Variants in IRF4 observed in about 807,000 individuals in gnomAD.
IRF4 encodes interferon regulatory factor 4.
IRF4 carries 13 observed loss-of-function variants against 55.5 expected under a neutral mutation model. That is an observed-to-expected ratio of 0.23 (90% CI 0.15 to 0.37). The LOEUF (loss-of-function observed/expected upper bound fraction) is 0.37, where lower values mean the gene tolerates loss of function less well. Ranked by LOEUF, IRF4 falls within the 10% of genes least tolerant of loss-of-function variation. The pLI, the probability that IRF4 is intolerant of heterozygous loss-of-function variation, is 1.00. For missense variants in IRF4, 397 were observed against 593.8 expected (o/e 0.67, Z 3.44); for synonymous variants, 249 against 240.7 (o/e 1.03, Z -0.32).
Position 395,634 on chromosome 6 carries a change from T to C in IRF4, c.404-213T>C, listed in dbSNP as rs6930635. 0.11 allele frequency among the ~76,000 whole-genome samples: 16,326 copies of C among 152,216 alleles called. 1,027 individuals carry two copies. The highest frequency in any genetic ancestry group is 0.18 in the African/African-American group (7,550 of 41,504). ...GCCATCTGTCATGTATTTCTTTACC[T>C]GTCCTGTACAACTCAGACCTTGTAG... On this transcript the variant is annotated intron_variant, in intron 3 of 8. Transcript: ENST00000380956.
At chr6:400,415 C>A (rs1761366193) in intron 6 of IRF4, among the ~76,000 whole-genome samples, 1 of 152,150 alleles carries the variant, frequency 6.6e-6, no homozygotes, top group Non-Finnish European at 1.5e-5. Context: ...CTGAAATCAG[C>A]AAAACGTTTG....
At chr6:395,383 T>C (rs1761226582) in intron 3 of IRF4, among the ~76,000 whole-genome samples, 1 of 152,116 alleles carries the variant, frequency 6.6e-6, no homozygotes, top group African/African-American at 2.4e-5. Context: ...ATGAGAGGAA[T>C]ATCTCATCAC....
rs745933211 is a variant in IRF4, at chr6:407,630, T to C, written c.*32T>C. On this transcript the variant is annotated 3_prime_UTR_variant, in exon 9 of 9. Transcript: ENST00000380956. ...TCAAGATGAGTGGTTTTCTTTTTCC[T>C]TTTTTTTTTTTTTTTTTTGATACGG... 2,092 of 198,356 alleles carry C rather than the reference T, an allele frequency of 0.011. 3 individuals carry two copies. The highest frequency in any genetic ancestry group is 0.046 in the South Asian group (389 of 8,514). The allele number at this position is 198,356 out of a possible 1,614,324, so 12.3% of individuals were successfully genotyped here. A position where few individuals can be genotyped will look rare whatever the true frequency, so the allele number is the denominator to read the frequency against.
At position 409,329 on chromosome 6, in the gene IRF4, A is replaced by G. The variant is rs1467841175; in HGVS notation, c.*1731A>G. ...AAAGACAAACAGTAGAGAACAGCAA[A>G]AAAATAAAAAGGATCTCCTTTTTTC... On this transcript the variant is annotated 3_prime_UTR_variant, in exon 9 of 9. Transcript: ENST00000380956. The G allele has an allele frequency of 1.0e-5, 2 of 194,878 alleles. No homozygotes were observed. Among genetic ancestry groups the G allele is most frequent in the South Asian group, 1.9e-4 (1 of 5,184 alleles). The allele number at this position is 194,878 out of a possible 1,614,324, so 12.1% of individuals were successfully genotyped here.
In IRF4 at chr6:401,545, G is replaced by C. The variant is rs1222738803; in HGVS notation, c.867G>C (p.Gln289His). Residue 289 changes from glutamine (Q) to histidine (H), a missense_variant, in exon 7 of 9, where the codon CAG (glutamine) becomes CAC (histidine). Gln to His is a conservative substitution (Grantham distance 24). This residue lies in a region of IRF4 where 341 missense variants were observed against 548.1 expected (regional missense o/e 0.62). Coordinates refer to ENST00000380956, the MANE Select transcript of IRF4 (RefSeq NM_002460.4). ...GHTYDASNLDQVLFPYPEDNG... is the reference protein window; with the variant it reads ...GHTYDASNLDHVLFPYPEDNG... ...CGTATGACGCCAGCAACCTGGACCA[G>C]GTCCTGTTCCCCTACCCAGAGGACA... is the stretch of plus-strand genomic sequence containing the variant. 6.2e-7 allele frequency: 1 copy of C among 1,613,998 alleles called. No individual in the cohort carries two copies. The highest frequency in any genetic ancestry group is 2.2e-5 in the East Asian group (1 of 44,902).
rs1761211999 is a variant in IRF4 at position 394,860 on chromosome 6, G to A, written c.256G>A (p.Asp86Asn). 1.9e-6 allele frequency: 3 copies of A among 1,614,140 alleles called. No individual in the cohort carries two copies. Among genetic ancestry groups the A allele is most frequent in the Non-Finnish European group, 2.5e-6 (3 of 1,180,028 alleles). Residue 86 changes from aspartate (D) to asparagine (N), a missense_variant, in exon 3 of 9, where the codon GAC becomes AAC. Asp to Asn is a conservative substitution (Grantham distance 23, BLOSUM62 1). This residue lies in a region of IRF4 where 341 missense variants were observed against 548.1 expected (regional missense o/e 0.62). Transcript: ENST00000380956. The part of the protein sequence containing the change: ...LFKGKFREGI[D>N]KPDPPTWKTR... The stretch of plus-strand genomic sequence containing the variant: ...TAAAGGAAAGTTCCGAGAAGGCATC[G>A]ACAAGCCGGACCCTCCCACCTGGAA...
chr6:405,907 C>A lies in IRF4; in HGVS notation c.1212+777C>A, dbSNP rs116102880. On this transcript the variant is annotated intron_variant, in intron 8 of 8. Coordinates refer to ENST00000380956, the MANE Select transcript of IRF4 (RefSeq NM_002460.4). ...AAAACTTCACATTGCTACATACTTG[C>A]AAGCATTATTAACGGGCTTGCATGC... Among the ~76,000 whole-genome samples the A allele has an allele frequency of 3.9e-5, 6 of 152,164 alleles. No individual in the cohort carries two copies. The East Asian group carries it at 1.2e-3, about 29-fold the overall frequency.
At position 407,764 on chromosome 6, in the gene IRF4, T is replaced by C. The variant is rs1337807887; in HGVS notation, c.*166T>C. Reference sequence around the variant, plus strand: ...AGAGACTCTCCTGCCTCAGCCTCCCTGGTAGCTGGGATTACAGGTGTGAGC... The same window carrying C: ...AGAGACTCTCCTGCCTCAGCCTCCCCGGTAGCTGGGATTACAGGTGTGAGC... On this transcript the variant is annotated 3_prime_UTR_variant, in exon 9 of 9. Coordinates refer to ENST00000380956, the MANE Select transcript of IRF4 (RefSeq NM_002460.4). The C allele has an allele frequency of 9.6e-6, 6 of 624,006 alleles. No individual in the cohort carries two copies. The highest frequency in any genetic ancestry group is 1.6e-5 in the Non-Finnish European group (6 of 369,076). 38.7% of individuals were successfully genotyped at this position (624,006 alleles called of 1,614,324 possible).
chr6:409,808 C>G lies in IRF4; in HGVS notation c.*2210C>G, dbSNP rs1761645803. 4.7e-6 allele frequency: 1 copy of G among 211,420 alleles called. No homozygotes were observed. Among genetic ancestry groups the G allele is most frequent in the African/African-American group, 2.6e-5 (1 of 39,142 alleles). 13.1% of individuals were successfully genotyped at this position (211,420 alleles called of 1,614,324 possible). A position where few individuals can be genotyped will look rare whatever the true frequency, so the allele number is the denominator to read the frequency against. Reference sequence around the variant, plus strand: ...ACTTCAAAGAAGCTGTCTTGGAAGTCTGTCTCAGGAGCACCCTGTCTTCTT... The same window carrying G: ...ACTTCAAAGAAGCTGTCTTGGAAGTGTGTCTCAGGAGCACCCTGTCTTCTT... On this transcript the variant is annotated 3_prime_UTR_variant, in exon 9 of 9. Transcript: ENST00000380956.
Position 410,080 on chromosome 6 carries a change from G to A in IRF4, c.*2482G>A. 4.4e-6 allele frequency: 1 copy of A among 226,360 alleles called. No homozygotes were observed. Among genetic ancestry groups the A allele is most frequent in the Admixed American group, 5.7e-5 (1 of 17,524 alleles). 14.0% of individuals were successfully genotyped at this position (226,360 alleles called of 1,614,324 possible). On this transcript the variant is annotated 3_prime_UTR_variant, in exon 9 of 9. Transcript: ENST00000380956. The stretch of plus-strand genomic sequence containing the variant: ...CTCAGGGTTAGGAATCCTAGCACTT[G>A]TCTCAGGACTCTGAAAAGGAACGGC...
At chr6:395,966 G>A in intron 4 of IRF4, 31 bp downstream of exon 4, 1 of 1,563,530 alleles carries the variant, frequency 6.4e-7, no homozygotes. Context: ...CTCCCTGAGG[G>A]CGAGGCTGTG....
intron 8 of IRF4, chr6:406,999 T>C (rs1022477347): frequency 1.8e-5 from 12 of 662,414 alleles, no homozygotes; most frequent in African/African-American, 1.8e-4. Flanking sequence ...AACTTTACTT[T>C]TTATTTCTTT....
At position 395,405 on chromosome 6, in the gene IRF4, A is replaced by G. The variant is rs374221288; in HGVS notation, c.403+398A>G. On this transcript the variant is annotated intron_variant, in intron 3 of 8. Transcript: ENST00000380956. ...GAATATCTCATCACTATGCATGGTA[A>G]TAAAACTGTCAACTTTTAAAGTGTA... Among the ~76,000 whole-genome samples the G allele has an allele frequency of 5.8e-4, 89 of 152,316 alleles. 1 individual carries two copies. In the South Asian group the frequency reaches 0.017, roughly 30 times the overall value.
chr6:405,780 G>A (rs1761528717), intron 8 of IRF4, among the ~76,000 whole-genome samples: 1 of 152,056 alleles, frequency 6.6e-6, no homozygotes, highest in Admixed American at 6.6e-5. Flanking sequence ...TAGGATTAGG[G>A]TTAGAGTTTT....
intron 4 of IRF4, 44 bp downstream of exon 4, chr6:395,979 G>A: frequency 4.0e-6 from 6 of 1,493,124 alleles, no homozygotes; most frequent in Non-Finnish European, 5.6e-6. Context: ...AGGCTGTGTG[G>A]GCCAGCTGCC....
chr6:395,817 G>T (rs1399896471), intron 3 of IRF4, 30 bp from the exon 4 acceptor site: 7 of 1,555,928 alleles, frequency 4.5e-6, no homozygotes, highest in Non-Finnish European at 6.2e-6. Context: ...TTTTTACGTT[G>T]TGCCATTTCC....
At chr6:397,708 C>G (rs1761303329) in intron 5 of IRF4, among the ~76,000 whole-genome samples, 1 of 152,216 alleles carries the variant, frequency 6.6e-6, no homozygotes. Context: ...AACGTCTCTA[C>G]AGGTGCCTAC....
Position 398,868 on chromosome 6 carries a change from TGAGTCCCAGGCTCCCG to T in IRF4, c.686_701del (p.Gln229ProfsTer6). 2 of 1,613,716 alleles carry T rather than the reference TGAGTCCCAGGCTCCCG, an allele frequency of 1.2e-6. No homozygotes were observed. The highest frequency in any genetic ancestry group is 1.7e-6 in the Non-Finnish European group (2 of 1,179,830). ...GAACCTTTTATGCTTGTGCCCCACC[TGAGTCCCAGGCTCCCG>T]GAGTCCCCACAGAGCCAAGCATAAG... On this transcript the variant is annotated frameshift_variant, in exon 6 of 9. Coordinates refer to ENST00000380956, the MANE Select transcript of IRF4 (RefSeq NM_002460.4). LOFTEE classifies it high-confidence loss of function.
At chr6:403,367 T>G (rs926959560) in intron 7 of IRF4, among the ~76,000 whole-genome samples, 1 of 152,242 alleles carries the variant, frequency 6.6e-6, no homozygotes, top group African/African-American at 2.4e-5. Context: ...TTCTGAAGAC[T>G]CTGGACCTTG....
Sources: gnomAD v4.1 joint callset for allele counts (sites outside exome capture counted in the v4.1 genomes callset) on GRCh38, gnomAD v4.1.1 for gene constraint, gnomAD v4.1.1 regional missense constraint, MANE v1.5 for transcripts, NCBI Gene and HGNC (gene_info 2026-07-23, HGNC 2026-07-21) for gene names.